Variants in GALNT13 observed in about 807,000 individuals in gnomAD.
GALNT13 encodes the protein polypeptide N-acetylgalactosaminyltransferase 13.
GALNT13 carries 28 observed loss-of-function variants against 64.2 expected under a neutral mutation model. That is an observed-to-expected ratio of 0.44 (90% CI 0.32 to 0.60). The LOEUF is 0.60. Ranked by LOEUF, GALNT13 falls within the 20% of genes least tolerant of loss-of-function variation. The probability of loss-of-function intolerance (pLI) is 0.05; values close to 1 mark genes in which losing one functional copy is unlikely to be tolerated. For synonymous variants in GALNT13, 214 were observed against 224.6 expected, an observed-to-expected ratio of 0.95 and a Z score of 0.42; for missense variants, 577 against 669.8, an observed-to-expected ratio of 0.86 and a Z score of 1.53.
the GALNT13 span, among the ~76,000 whole-genome samples, chr2:153,510,913 G>A: frequency 1.3e-5 from 2 of 151,882 alleles, no homozygotes; most frequent in Non-Finnish European, 2.9e-5. Flanking sequence ...AGGAGAGAGT[G>A]GGCCACTCTG....
chr2:153,811,459 T>TTA, the GALNT13 span, among the ~76,000 whole-genome samples: 1 of 152,234 alleles, frequency 6.6e-6, no homozygotes, highest in Non-Finnish European at 1.5e-5. Flanking sequence ...TTTATTGACT[T>TTA]TATCTTCATT....
the GALNT13 span, among the ~76,000 whole-genome samples, chr2:153,786,025 T>C: frequency 2.0e-5 from 3 of 150,932 alleles, no homozygotes; most frequent in African/African-American, 2.4e-5. Context: ...ATGCTCCACC[T>C]CACTGGCTGA....
Position 154,099,482 on chromosome 2 carries a change from A to G in GALNT13, c.143-40855A>G, listed in dbSNP as rs138502846. On this transcript the variant is annotated intron_variant, in intron 3 of 12. Coordinates refer to ENST00000392825, the MANE Select transcript of GALNT13 (RefSeq NM_052917.4). ...TGTGCTATCAAGGTCTTCATCGTAA[A>G]TTATTTACCTAGTCCAACACCCAGA... Among the ~76,000 whole-genome samples, 1,066 of 152,106 alleles carry G rather than the reference A, an allele frequency of 7.0e-3. 11 individuals are homozygous for G. The highest frequency in any genetic ancestry group is 0.024 in the African/African-American group (983 of 41,514).
the GALNT13 span, among the ~76,000 whole-genome samples, chr2:153,707,908 A>G: frequency 6.6e-6 from 1 of 152,174 alleles, no homozygotes; most frequent in African/African-American, 2.4e-5. Context: ...ACCTCAAGCA[A>G]GTGGGCCTAC....
chr2:154,372,930 A>G (rs1208084954), intron 9 of GALNT13, among the ~76,000 whole-genome samples: 2 of 152,120 alleles, frequency 1.3e-5, no homozygotes, highest in East Asian at 3.9e-4. Flanking sequence ...AAGTTAAAAG[A>G]TAAACTCAGT....
At chr2:153,173,099 G>GTCTATA in the GALNT13 span, 8 of 91,042 alleles carry the variant, frequency 8.8e-5, no homozygotes, top group South Asian at 6.7e-4. Flanking sequence ...CTATATCTAT[G>GTCTATA]TCTATATCTA....
intron 3 of GALNT13, among the ~76,000 whole-genome samples, chr2:154,020,532 C>G (rs1226555942): frequency 6.6e-5 from 10 of 152,074 alleles, no homozygotes; most frequent in South Asian, 2.1e-4. Flanking sequence ...CTTTCGCCCA[C>G]TTTTTGATGG....
chr2:153,630,796 TATATATA>T, the GALNT13 span, among the ~76,000 whole-genome samples: 1 of 13,482 alleles, frequency 7.4e-5, no homozygotes, highest in African/African-American at 2.5e-4. Context: ...TATATATATA[TATATATA>T]TATATTTTTT....
chr2:154,442,870 T>C (rs1284186973), intron 12 of GALNT13, among the ~76,000 whole-genome samples: 1 of 152,098 alleles, frequency 6.6e-6, no homozygotes, highest in African/African-American at 2.4e-5. Context: ...AATAACTTAT[T>C]TTTCATGTGA....
chr2:153,108,874 C>A, the GALNT13 span, among the ~76,000 whole-genome samples: 14 of 152,048 alleles, frequency 9.2e-5, no homozygotes, highest in Non-Finnish European at 1.9e-4. Context: ...TAACCATGTG[C>A]TGATATAAAG....
At chr2:153,111,360 TA>T in the GALNT13 span, among the ~76,000 whole-genome samples, 1 of 152,132 alleles carries the variant, frequency 6.6e-6, no homozygotes, top group African/African-American at 2.4e-5. Context: ...AATGATGCTT[TA>T]TTCTAATCTC....
At chr2:153,866,426 C>G in the GALNT13 span, among the ~76,000 whole-genome samples, 2 of 152,106 alleles carry the variant, frequency 1.3e-5, no homozygotes, top group African/African-American at 4.8e-5. Context: ...ACAAATAAAT[C>G]TATTTTTTTT....
intron 4 of GALNT13, among the ~76,000 whole-genome samples, chr2:154,157,482 G>T (rs1244656252): frequency 1.3e-5 from 2 of 152,054 alleles, no homozygotes; most frequent in African/African-American, 4.8e-5. Flanking sequence ...TAAATAACTG[G>T]GACTACAGAA....
the GALNT13 span, among the ~76,000 whole-genome samples, chr2:153,682,786 C>G: frequency 6.6e-6 from 1 of 151,738 alleles, no homozygotes; most frequent in South Asian, 2.1e-4. Flanking sequence ...GGTCCTAACA[C>G]ATACACCTAA....
chr2:153,813,415 T>C, the GALNT13 span, among the ~76,000 whole-genome samples: 7 of 152,300 alleles, frequency 4.6e-5, no homozygotes, highest in African/African-American at 1.7e-4. Flanking sequence ...TTTTCCTAAG[T>C]CTTGTAGCCA....
At chr2:154,352,467 G>C (rs139563536) in intron 9 of GALNT13, among the ~76,000 whole-genome samples, 6 of 152,220 alleles carry the variant, frequency 3.9e-5, no homozygotes, top group Non-Finnish European at 7.3e-5. Context: ...TCTAGGTGCT[G>C]TTCATGCATT....
chr2:154,263,387 C>T (rs966037077), intron 8 of GALNT13, among the ~76,000 whole-genome samples: 1 of 152,118 alleles, frequency 6.6e-6, no homozygotes, highest in Non-Finnish European at 1.5e-5. Flanking sequence ...TCATTCATGG[C>T]AGCTGTTGTG....
chr2:153,786,526 TG>T, the GALNT13 span, among the ~76,000 whole-genome samples: 1 of 150,772 alleles, frequency 6.6e-6, no homozygotes, highest in African/African-American at 2.4e-5. Context: ...CTGCTGCCCT[TG>T]GGGAAGAAAC....
At chr2:153,085,490 A>G in the GALNT13 span, among the ~76,000 whole-genome samples, 1 of 152,146 alleles carries the variant, frequency 6.6e-6, no homozygotes, top group Non-Finnish European at 1.5e-5. Flanking sequence ...CCTGCATCCC[A>G]GCTGCTCCAC....
Sources: allele counts gnomAD v4.1 joint callset (sites outside exome capture counted in the v4.1 genomes callset), GRCh38; gene constraint gnomAD v4.1.1; transcripts MANE v1.5; gene names NCBI Gene and HGNC (gene_info 2026-07-23, HGNC 2026-07-21).